NEBL: variants seen among roughly 807,000 people sequenced by gnomAD.
NEBL encodes the protein LIM and SH3 protein 2.
NEBL carries 122 observed loss-of-function variants against 140.2 expected under a neutral mutation model. That is an observed-to-expected ratio of 0.87 (90% CI 0.75 to 1.01). The LOEUF is 1.01. Among genes scored for constraint, NEBL ranks in the 50% least tolerant of loss-of-function variants. The pLI, the probability that NEBL is intolerant of heterozygous loss-of-function variation, is 0.00. For missense variants in NEBL, 1,365 were observed against 1,231.3 expected (o/e 1.11, Z -1.62); for synonymous variants, 436 against 398.9 (o/e 1.09, Z -1.11).
In NEBL at chr10:21,067,250, T is replaced by C. The variant is rs535113549; in HGVS notation, c.165-47049A>G. Among the ~76,000 whole-genome samples, 25 of 152,198 alleles carry C rather than the reference T, an allele frequency of 1.6e-4. No homozygotes were observed. The South Asian group carries it at 1.7e-3, about 10-fold the overall frequency. On this transcript the variant is annotated intron_variant, in intron 2 of 6. Coordinates refer to the NEBL transcript ENST00000417816. The stretch of plus-strand genomic sequence containing the variant: ...CCTCCCAAAGTGCTGAGATTACAGG[T>C]GTGAGCCACCGCGCCCAGCCGAAAT...
chr10:21,189,747 A>G (rs987463469), intron 3 of NEBL, among the ~76,000 whole-genome samples: 21 of 152,142 alleles, frequency 1.4e-4, no homozygotes, highest in South Asian at 4.2e-4. Context: ...AATTACAGGC[A>G]TGAGCCACCG....
chr10:21,078,053 G>C lies in NEBL; in HGVS notation c.165-57852C>G, dbSNP rs74791548. ...AATACCAGATTATTCTGAAAGCTGGGTTGTGTGCAGAATGGACGGGAGGAG... is the reference window on the plus strand; with the variant it reads ...AATACCAGATTATTCTGAAAGCTGGCTTGTGTGCAGAATGGACGGGAGGAG... On this transcript the variant is annotated intron_variant, in intron 2 of 6. Coordinates refer to the NEBL transcript ENST00000417816. Among the ~76,000 whole-genome samples, 655 of 152,302 alleles carry C rather than the reference G, an allele frequency of 4.3e-3. 3 individuals carry two copies. Among genetic ancestry groups the C allele is most frequent in the Non-Finnish European group, 4.9e-3 (334 of 68,020 alleles).
At chr10:21,199,103 C>A (rs1489703713) in intron 3 of NEBL, among the ~76,000 whole-genome samples, 1 of 151,862 alleles carries the variant, frequency 6.6e-6, no homozygotes, top group Non-Finnish European at 1.5e-5. Flanking sequence ...CAGCTCACTG[C>A]AGCCTCCAAC....
intron 2 of NEBL, among the ~76,000 whole-genome samples, chr10:21,120,561 G>A (rs1838518199): frequency 6.7e-6 from 1 of 148,800 alleles, no homozygotes; most frequent in Admixed American, 6.7e-5. Context: ...GCACCTGCTG[G>A]CCATTCTTAC....
At chr10:20,918,578 G>A (rs77845879) in intron 4 of NEBL, among the ~76,000 whole-genome samples, 165 of 151,724 alleles carry the variant, frequency 1.1e-3, no homozygotes, top group African/African-American at 3.6e-3. Flanking sequence ...GGCCGGGCAC[G>A]GCTGGCTCAT....
intron 3 of NEBL, among the ~76,000 whole-genome samples, chr10:20,973,177 T>C (rs866043322): frequency 6.6e-6 from 1 of 152,182 alleles, no homozygotes; most frequent in South Asian, 2.1e-4. Flanking sequence ...CAGACATTGT[T>C]CTAGGCACTT....
At chr10:21,054,565 A>G (rs1410491607) in intron 2 of NEBL, among the ~76,000 whole-genome samples, 2 of 152,084 alleles carry the variant, frequency 1.3e-5, no homozygotes, top group African/African-American at 4.8e-5. Flanking sequence ...GAAATGTGAG[A>G]GATTTAAATA....
At chr10:20,957,543 G>A (rs1469581789) in intron 4 of NEBL, among the ~76,000 whole-genome samples, 2 of 152,056 alleles carry the variant, frequency 1.3e-5, no homozygotes, top group African/African-American at 2.4e-5. Flanking sequence ...TATAGGGCAG[G>A]TGAAACACTA....
At chr10:21,250,889 A>C (rs544105260) in intron 2 of NEBL, among the ~76,000 whole-genome samples, 1 of 152,186 alleles carries the variant, frequency 6.6e-6, no homozygotes, top group Non-Finnish European at 1.5e-5. Context: ...GCAAGACTCC[A>C]TTTCAAAAAA....
At chr10:20,983,628 T>C (rs762011384) in intron 3 of NEBL, among the ~76,000 whole-genome samples, 2 of 152,228 alleles carry the variant, frequency 1.3e-5, no homozygotes, top group Admixed American at 6.5e-5. Context: ...AGTCTAATTG[T>C]GTACAAGGCA....
chr10:20,867,966 C>T lies in NEBL; in HGVS notation c.684+698G>A, dbSNP rs897219557. The T allele has an allele frequency of 2.0e-5, 3 of 150,742 alleles. No homozygotes were observed. In the South Asian group the frequency reaches 6.3e-4, roughly 32 times the overall value. 9.3% of individuals were successfully genotyped at this position (150,742 alleles called of 1,614,324 possible). ...ATAGTAACTCATAACTTAAGTTCCC[C>T]TTCACTGGTCTTCATTTTCATACTT... On this transcript the variant is annotated intron_variant, in intron 7 of 27. Transcript: ENST00000377122.
chr10:21,152,296 T>G (rs1840173508), intron 2 of NEBL, among the ~76,000 whole-genome samples: 1 of 152,218 alleles, frequency 6.6e-6, no homozygotes, highest in Non-Finnish European at 1.5e-5. Flanking sequence ...CCAAGGACAG[T>G]GACGCCAGTG....
chr10:20,858,367 A>C lies in NEBL; in HGVS notation c.799-23T>G, dbSNP rs771271426. The C allele has an allele frequency of 7.0e-5, 106 of 1,504,106 alleles. No homozygotes were observed. The South Asian group carries it at 1.2e-3, about 16-fold the overall frequency. The allele number at this position is 1,504,106 out of a possible 1,614,324, so 93.2% of individuals were successfully genotyped here. A position where few individuals can be genotyped will look rare whatever the true frequency, so the allele number is the denominator to read the frequency against. Reference sequence around the variant, plus strand: ...CACCTATGAAAATAACATGGAACAAAATACCATCGAGGAGAAGAAAATATT... The same window carrying C: ...CACCTATGAAAATAACATGGAACAACATACCATCGAGGAGAAGAAAATATT... On this transcript the variant is annotated intron_variant, in intron 8 of 27. Transcript: ENST00000377122.
At chr10:20,869,609 G>GA in intron 6 of NEBL, 131 bp downstream of exon 6, 1 of 707,216 alleles carries the variant, frequency 1.4e-6, no homozygotes. Flanking sequence ...TTTAGGGGGG[G>GA]AAATTGAGAT....
At chr10:20,999,721 A>G (rs1278164456) in intron 3 of NEBL, among the ~76,000 whole-genome samples, 1 of 152,182 alleles carries the variant, frequency 6.6e-6, no homozygotes, top group African/African-American at 2.4e-5. Context: ...TATCTAAGGC[A>G]ATGAGGTCTG....
intron 3 of NEBL, among the ~76,000 whole-genome samples, chr10:20,965,463 G>A (rs1836264409): frequency 1.3e-5 from 2 of 152,202 alleles, no homozygotes; most frequent in Admixed American, 6.5e-5. Context: ...TATGCAGGCA[G>A]AGGGAACAGA....
At chr10:21,024,638 A>ATTTC in intron 2 of NEBL, among the ~76,000 whole-genome samples, 2 of 152,156 alleles carry the variant, frequency 1.3e-5, no homozygotes, top group African/African-American at 4.8e-5. Context: ...ACTGAAAATG[A>ATTTC]AAATTACAAT....
chr10:21,021,720 A>G (rs1457011176), intron 2 of NEBL, among the ~76,000 whole-genome samples: 1 of 152,158 alleles, frequency 6.6e-6, no homozygotes, highest in African/African-American at 2.4e-5. Context: ...TATCTTGCTC[A>G]TGGCTTTTCC....
At chr10:21,024,887 C>T (rs1017724944) in intron 2 of NEBL, among the ~76,000 whole-genome samples, 2 of 152,208 alleles carry the variant, frequency 1.3e-5, no homozygotes, top group East Asian at 1.9e-4. Flanking sequence ...GGTCCTCATA[C>T]GATTATAGAA....
Sources: allele counts gnomAD v4.1 joint callset (sites outside exome capture counted in the v4.1 genomes callset), GRCh38; gene constraint gnomAD v4.1.1; transcripts MANE v1.5; gene names NCBI Gene and HGNC (gene_info 2026-07-23, HGNC 2026-07-21).